Variants in SYN3 observed in about 807,000 individuals in gnomAD.
The protein encoded by SYN3 is synapsin-3.
A neutral mutation model predicts 65.8 loss-of-function variants in SYN3; 35 were observed. The ratio of observed to expected loss-of-function variants is 0.53; its 90% CI spans 0.41 to 0.70. SYN3 has a LOEUF of 0.70. Among genes scored for constraint, SYN3 ranks in the 30% least tolerant of loss-of-function variants. The pLI is 0.00. For synonymous variants in SYN3, 270 were observed against 292.9 expected (o/e 0.92, Z 0.80); for missense variants, 680 against 749.0 (o/e 0.91, Z 1.08).
At chr22:32,908,477 T>C (rs2049964179) in intron 4 of SYN3, among the ~76,000 whole-genome samples, 1 of 149,892 alleles carries the variant, frequency 6.7e-6, no homozygotes, top group South Asian at 2.1e-4. Flanking sequence ...TGCAACCTTT[T>C]AACTCCTGGG....
At chr22:33,044,065 A>G (rs2054013952) in intron 1 of SYN3, among the ~76,000 whole-genome samples, 1 of 152,026 alleles carries the variant, frequency 6.6e-6, no homozygotes, top group South Asian at 2.1e-4. Flanking sequence ...AAAAAAAAAA[A>G]GTGCATTGAA....
chr22:32,921,633 G>A (rs937244971), intron 4 of SYN3, among the ~76,000 whole-genome samples: 2 of 152,100 alleles, frequency 1.3e-5, no homozygotes, highest in Admixed American at 6.5e-5. Flanking sequence ...TGTGATCTGG[G>A]GCAATGAAAT....
At chr22:32,701,987 A>G (rs1002157453) in intron 6 of SYN3, among the ~76,000 whole-genome samples, 2 of 152,156 alleles carry the variant, frequency 1.3e-5, no homozygotes, top group African/African-American at 4.8e-5. Flanking sequence ...TGATTTAAGT[A>G]TTTTCTTGAT....
intron 6 of SYN3, among the ~76,000 whole-genome samples, chr22:32,652,770 G>T (rs1253585243): frequency 1.3e-5 from 2 of 152,096 alleles, no homozygotes; most frequent in African/African-American, 2.4e-5. Flanking sequence ...CTTCCTCAGG[G>T]TCACTCCCTA....
chr22:32,667,730 A>C (rs2060307704), intron 6 of SYN3, among the ~76,000 whole-genome samples: 1 of 151,948 alleles, frequency 6.6e-6, no homozygotes, highest in African/African-American at 2.4e-5. Context: ...AAAGTCAGTC[A>C]GTCAAGGTCG....
chr22:32,523,015 G>A (rs915956811), intron 12 of SYN3, among the ~76,000 whole-genome samples: 1 of 152,132 alleles, frequency 6.6e-6, no homozygotes, highest in Non-Finnish European at 1.5e-5. Flanking sequence ...GGGTTGTGAC[G>A]ACCTTGCATT....
intron 6 of SYN3, among the ~76,000 whole-genome samples, chr22:32,737,872 T>G (rs2061354306): frequency 6.6e-6 from 1 of 152,140 alleles, no homozygotes; most frequent in Admixed American, 6.5e-5. Context: ...ATGTGCCTCC[T>G]CCACATTGCT....
At chr22:32,886,967 C>A (rs775266133) in intron 4 of SYN3, among the ~76,000 whole-genome samples, 1 of 152,338 alleles carries the variant, frequency 6.6e-6, no homozygotes, top group East Asian at 1.9e-4. Context: ...TTGCTGAATA[C>A]GGCAAAGGAG....
At chr22:32,859,580 T>A in intron 6 of SYN3, 1 of 647,788 alleles carries the variant, frequency 1.5e-6, no homozygotes, top group South Asian at 2.3e-5. Flanking sequence ...TTCTTTTTGG[T>A]TTTGACATCA....
At chr22:32,745,049 G>C (rs1477448990) in intron 6 of SYN3, among the ~76,000 whole-genome samples, 1 of 151,072 alleles carries the variant, frequency 6.6e-6, no homozygotes, top group Non-Finnish European at 1.5e-5. Flanking sequence ...GGGAAGAAAC[G>C]GCACTCTTCT....
intron 6 of SYN3, among the ~76,000 whole-genome samples, chr22:32,774,156 G>T (rs758841608): frequency 5.1e-4 from 78 of 152,286 alleles, no homozygotes; most frequent in African/African-American, 1.6e-3. Flanking sequence ...AACCATGAGG[G>T]TTTGTTATGA....
At chr22:32,678,391 T>C (rs948076043) in intron 6 of SYN3, among the ~76,000 whole-genome samples, 1 of 152,078 alleles carries the variant, frequency 6.6e-6, no homozygotes, top group African/African-American at 2.4e-5. Context: ...TGATGTCAGA[T>C]CACACAGAAC....
chr22:32,612,440 C>T (rs555151373), intron 6 of SYN3, among the ~76,000 whole-genome samples: 1 of 152,252 alleles, frequency 6.6e-6, no homozygotes, highest in East Asian at 1.9e-4. Context: ...AGTTGGTATC[C>T]ACAGAGAACT....
intron 4 of SYN3, among the ~76,000 whole-genome samples, chr22:32,881,943 C>CT (rs2049151737): frequency 6.6e-6 from 1 of 151,914 alleles, no homozygotes; most frequent in Non-Finnish European, 1.5e-5. Context: ...GTAGTCCCAG[C>CT]TATTCGGAGA....
In SYN3 at chr22:33,006,701, C is replaced by A. The variant is rs374019700; in HGVS notation, c.-39G>T. ...TGGAGATGACTGGCTCCTACCCAGA[C>A]GTGTGTAGGTGAGGCCCAGAAGACA... On this transcript the variant is annotated 5_prime_UTR_variant, in exon 2 of 14. Coordinates refer to ENST00000358763, the MANE Select transcript of SYN3 (RefSeq NM_003490.4). 1.3e-6 allele frequency: 2 copies of A among 1,535,594 alleles called. No individual in the cohort carries two copies. The highest frequency in any genetic ancestry group is 2.0e-5 in the Admixed American group (1 of 49,620).
chr22:32,918,842 G>A (rs2050259057), intron 4 of SYN3, among the ~76,000 whole-genome samples: 1 of 152,188 alleles, frequency 6.6e-6, no homozygotes, highest in Non-Finnish European at 1.5e-5. Flanking sequence ...CAGGTGGGGA[G>A]GCCAAGAGCT....
At chr22:32,879,135 A>G (rs1199455605) in intron 4 of SYN3, among the ~76,000 whole-genome samples, 1 of 152,158 alleles carries the variant, frequency 6.6e-6, no homozygotes, top group Non-Finnish European at 1.5e-5. Context: ...TGCAATCTCT[A>G]AGTGTCTAGA....
At chr22:32,854,812 C>T (rs532752870) in intron 6 of SYN3, among the ~76,000 whole-genome samples, 71 of 152,290 alleles carry the variant, frequency 4.7e-4, no homozygotes, top group Non-Finnish European at 7.9e-4. Context: ...AAGAGAGGTT[C>T]AGAAGGAAGA....
At chr22:32,868,157 T>A (rs750946726) in intron 5 of SYN3, among the ~76,000 whole-genome samples, 8 of 152,160 alleles carry the variant, frequency 5.3e-5, no homozygotes, top group Non-Finnish European at 1.0e-4. Context: ...TGGGACATAG[T>A]AAGTGCTCAA....
Sources: gnomAD v4.1 joint callset for allele counts (sites outside exome capture counted in the v4.1 genomes callset) on GRCh38, gnomAD v4.1.1 for gene constraint, MANE v1.5 for transcripts, NCBI Gene and HGNC (gene_info 2026-07-23, HGNC 2026-07-21) for gene names.